The following DPP10 variants were observed in gnomAD, a reference collection of about 807,000 sequenced individuals.
The protein encoded by DPP10 is dipeptidyl peptidase like 10.
A neutral mutation model predicts 120.9 loss-of-function variants in DPP10; 33 were observed. The observed-to-expected ratio is 0.27, with a 90% CI of 0.21 to 0.37. DPP10 has a LOEUF of 0.37. Among genes scored for constraint, DPP10 ranks in the 10% least tolerant of loss-of-function variants. The probability of loss-of-function intolerance (pLI) is 1.00; values close to 1 mark genes in which losing one functional copy is unlikely to be tolerated. For missense variants in DPP10, 816 were observed against 942.8 expected (o/e 0.87, Z 1.76); for synonymous variants, 337 against 326.1 (o/e 1.03, Z -0.36).
intron 5 of DPP10, among the ~76,000 whole-genome samples, chr2:115,530,387 A>G (rs1558805368): frequency 1.3e-5 from 2 of 152,116 alleles, no homozygotes; most frequent in South Asian, 2.1e-4. Context: ...GAATAAGGAA[A>G]ACTTTTACTC....
chr2:115,240,155 G>A (rs1303702866), intron 1 of DPP10, among the ~76,000 whole-genome samples: 1 of 152,142 alleles, frequency 6.6e-6, no homozygotes, highest in Non-Finnish European at 1.5e-5. Flanking sequence ...ATTTCTGGTT[G>A]TAGATCCTTG....
At chr2:114,530,453 G>A (rs1366649267) in intron 1 of DPP10, among the ~76,000 whole-genome samples, 2 of 152,114 alleles carry the variant, frequency 1.3e-5, no homozygotes, top group African/African-American at 2.4e-5. Context: ...AATATCTGTT[G>A]GGAGTTAAGC....
At chr2:114,954,552 G>GA (rs1224336473) in intron 1 of DPP10, among the ~76,000 whole-genome samples, 29 of 151,078 alleles carry the variant, frequency 1.9e-4, no homozygotes, top group Middle Eastern at 3.4e-3. Flanking sequence ...CTAGGAACTG[G>GA]AAAAAAAAGA....
intron 1 of DPP10, among the ~76,000 whole-genome samples, chr2:114,613,361 C>T (rs779285177): frequency 1.4e-4 from 22 of 152,068 alleles, no homozygotes; most frequent in Non-Finnish European, 2.4e-4. Flanking sequence ...AAAAAATTTC[C>T]GTGAACTGCC....
chr2:115,685,350 A>G (rs984729722), intron 5 of DPP10, among the ~76,000 whole-genome samples: 1 of 151,960 alleles, frequency 6.6e-6, no homozygotes, highest in Non-Finnish European at 1.5e-5. Flanking sequence ...TCATAAAACC[A>G]AAAAGATTAA....
intron 7 of DPP10, among the ~76,000 whole-genome samples, chr2:115,718,647 C>T (rs1385610558): frequency 6.6e-6 from 1 of 152,002 alleles, no homozygotes; most frequent in Non-Finnish European, 1.5e-5. Flanking sequence ...TTTCCTTATT[C>T]TCCATATCTG....
At chr2:114,890,163 A>C (rs1226992570) in intron 1 of DPP10, among the ~76,000 whole-genome samples, 2 of 152,226 alleles carry the variant, frequency 1.3e-5, no homozygotes, top group Non-Finnish European at 2.9e-5. Context: ...CCCAGGGTTT[A>C]TCACCAAGTG....
chr2:114,669,127 G>C (rs544165975), intron 1 of DPP10, among the ~76,000 whole-genome samples: 1 of 152,160 alleles, frequency 6.6e-6, no homozygotes, highest in Admixed American at 6.6e-5. Flanking sequence ...TGTTACAACT[G>C]TTCCCCACTC....
intron 5 of DPP10, among the ~76,000 whole-genome samples, chr2:115,629,896 T>A (rs756102115): frequency 3.9e-5 from 6 of 152,182 alleles, no homozygotes; most frequent in Non-Finnish European, 8.8e-5. Flanking sequence ...CTTTTTTGGT[T>A]CCATGTGAAG....
intron 1 of DPP10, among the ~76,000 whole-genome samples, chr2:115,030,401 T>C (rs561728571): frequency 6.3e-4 from 96 of 152,172 alleles, no homozygotes; most frequent in Non-Finnish European, 1.2e-3. Flanking sequence ...ACATTTTGTC[T>C]CCTAGAGCAG....
chr2:114,535,588 C>G (rs547320087), intron 1 of DPP10, among the ~76,000 whole-genome samples: 2 of 152,182 alleles, frequency 1.3e-5, no homozygotes, highest in Non-Finnish European at 2.9e-5. Context: ...ACTTATGCTA[C>G]GAGCCCCTTA....
At chr2:114,492,758 GC>G (rs1333861464) in intron 1 of DPP10, among the ~76,000 whole-genome samples, 2 of 152,206 alleles carry the variant, frequency 1.3e-5, no homozygotes, top group African/African-American at 4.8e-5. Context: ...AACATTGAGT[GC>G]CCTTGGGTGT....
At chr2:115,678,377 A>T (rs1229152217) in intron 5 of DPP10, among the ~76,000 whole-genome samples, 4 of 152,222 alleles carry the variant, frequency 2.6e-5, no homozygotes, top group Non-Finnish European at 5.9e-5. Context: ...CTGCCATGCT[A>T]AAAGGGGCCG....
At chr2:115,737,535 C>A (rs550340293) in intron 8 of DPP10, among the ~76,000 whole-genome samples, 4 of 152,164 alleles carry the variant, frequency 2.6e-5, no homozygotes, top group African/African-American at 9.6e-5. Flanking sequence ...GTCCCAAAGG[C>A]TCCACACAGC....
At chr2:115,430,749 T>C (rs182263330) in intron 3 of DPP10, among the ~76,000 whole-genome samples, 3 of 152,294 alleles carry the variant, frequency 2.0e-5, no homozygotes, top group Admixed American at 2.0e-4. Context: ...GTTCTTTTCA[T>C]ATTTGACTTT....
At chr2:114,632,983 C>G (rs1292310101) in intron 1 of DPP10, among the ~76,000 whole-genome samples, 1 of 151,974 alleles carries the variant, frequency 6.6e-6, no homozygotes, top group Non-Finnish European at 1.5e-5. Context: ...ATCTCCTTAC[C>G]TTACAAACCT....
chr2:115,479,026 T>G (rs4417722), intron 3 of DPP10, among the ~76,000 whole-genome samples: 126,120 of 152,106 alleles, frequency 0.83, 55,295 homozygotes, highest in Non-Finnish European at 0.97. Context: ...GCAGAATTAC[T>G]GTATGATCTA....
chr2:114,533,629 TA>T (rs905409776), intron 1 of DPP10, among the ~76,000 whole-genome samples: 3 of 150,972 alleles, frequency 2.0e-5, no homozygotes, highest in African/African-American at 4.9e-5. Flanking sequence ...AAATAAAAAT[TA>T]AAAAAAAAGA....
At chr2:114,999,496 A>C (rs981041963) in intron 1 of DPP10, among the ~76,000 whole-genome samples, 1 of 152,140 alleles carries the variant, frequency 6.6e-6, no homozygotes, top group African/African-American at 2.4e-5. Context: ...AGTTCTTACA[A>C]CACCCTTGAA....
Sources: gnomAD v4.1 joint callset for allele counts (sites outside exome capture counted in the v4.1 genomes callset) on GRCh38, gnomAD v4.1.1 for gene constraint, MANE v1.5 for transcripts, NCBI Gene and HGNC (gene_info 2026-07-23, HGNC 2026-07-21) for gene names.